The following NRG1 variants were observed in gnomAD, a reference collection of about 807,000 sequenced individuals.
NRG1 encodes pro-neuregulin-1, membrane-bound isoform.
Under a neutral mutation model 63.8 loss-of-function variants are expected in NRG1, and 18 were observed. That is an observed-to-expected ratio of 0.28 (90% CI 0.19 to 0.42). The LOEUF is 0.42. NRG1 is among the 10% of genes least tolerant of loss of function. The pLI, the probability that NRG1 is intolerant of heterozygous loss-of-function variation, is 1.00. For missense variants in NRG1, 762 were observed against 814.7 expected (o/e 0.94, Z 0.79); for synonymous variants, 302 against 301.3 (o/e 1.00, Z -0.02).
intron 1 of NRG1, among the ~76,000 whole-genome samples, chr8:32,284,682 C>T (rs1470760398): frequency 1.3e-5 from 2 of 152,114 alleles, no homozygotes; most frequent in African/African-American, 4.8e-5. Context: ...AGGCACATAT[C>T]AGCACGCTTG....
intron 1 of NRG1, among the ~76,000 whole-genome samples, chr8:31,874,791 T>G (rs1473021430): frequency 6.6e-6 from 1 of 151,302 alleles, no homozygotes; most frequent in African/African-American, 2.4e-5. Context: ...TAACTGTCCT[T>G]CTATTTCCAT....
At chr8:31,771,630 G>C (rs1425848062) in intron 1 of NRG1, among the ~76,000 whole-genome samples, 1 of 152,130 alleles carries the variant, frequency 6.6e-6, no homozygotes, top group East Asian at 1.9e-4. Context: ...TGTGCTGAGA[G>C]TTATAGGAAA....
intron 1 of NRG1, among the ~76,000 whole-genome samples, chr8:32,333,942 G>C (rs2129477791): frequency 6.6e-6 from 1 of 152,264 alleles, no homozygotes; most frequent in Middle Eastern, 3.4e-3. Flanking sequence ...CCATCTCTGT[G>C]ATTCCATTGG....
chr8:32,175,995 A>T (rs1840684618), intron 1 of NRG1, among the ~76,000 whole-genome samples: 1 of 152,174 alleles, frequency 6.6e-6, no homozygotes, highest in Non-Finnish European at 1.5e-5. Flanking sequence ...TAAAGTTCAT[A>T]TGGAACCAAA....
intron 1 of NRG1, among the ~76,000 whole-genome samples, chr8:31,962,159 A>G (rs774598519): frequency 1.3e-5 from 2 of 152,196 alleles, no homozygotes; most frequent in African/African-American, 2.4e-5. Flanking sequence ...AAGAGAATAT[A>G]TAAGTTTGAA....
At chr8:31,722,598 A>G (rs148995779) in intron 1 of NRG1, among the ~76,000 whole-genome samples, 22 of 152,296 alleles carry the variant, frequency 1.4e-4, no homozygotes, top group African/African-American at 5.3e-4. Context: ...AATTATATTT[A>G]TGTCTAAATG....
At chr8:32,076,903 A>G (rs1826657871) in intron 1 of NRG1, among the ~76,000 whole-genome samples, 1 of 152,204 alleles carries the variant, frequency 6.6e-6, no homozygotes, top group Admixed American at 6.5e-5. Flanking sequence ...AGTAAAATTC[A>G]CAGAATGTTA....
chr8:32,237,327 G>A (rs574499975), intron 1 of NRG1, among the ~76,000 whole-genome samples: 8 of 152,214 alleles, frequency 5.3e-5, no homozygotes, highest in African/African-American at 1.9e-4. Context: ...TTTCTTTTGA[G>A]TTTTTGTGTT....
intron 1 of NRG1, among the ~76,000 whole-genome samples, chr8:32,474,177 A>T (rs934293879): frequency 6.6e-6 from 1 of 152,264 alleles, no homozygotes; most frequent in East Asian, 1.9e-4. Context: ...CTTGTAGGTA[A>T]AACAATCATG....
rs748332909 is a variant in NRG1, at chr8:31,925,724, T to TTA, written c.37+286293_37+286294insTA. Among the ~76,000 whole-genome samples, 1,047 of 149,238 alleles carry TTA rather than the reference T, an allele frequency of 7.0e-3. 7 individuals are homozygous for TTA. Among genetic ancestry groups the TTA allele is most frequent in the Non-Finnish European group, 0.011 (757 of 66,940 alleles). On this transcript the variant is annotated intron_variant, in intron 1 of 10. Transcript: ENST00000519301. ...CTTATTAATTAATCTTCTTCTTCTG[T>TTA]GTCAATTCTGCTATGAAGCCCGTCC...
chr8:32,628,731 C>T (rs887918377), intron 5 of NRG1, among the ~76,000 whole-genome samples: 5 of 148,786 alleles, frequency 3.4e-5, no homozygotes, highest in Admixed American at 6.6e-5. Context: ...AAACTTTCTG[C>T]CCTTTTTTTT....
intron 1 of NRG1, among the ~76,000 whole-genome samples, chr8:32,310,762 A>T (rs1856728507): frequency 3.3e-5 from 5 of 152,218 alleles, no homozygotes; most frequent in Non-Finnish European, 7.3e-5. Context: ...ACCTCATTTG[A>T]AAGTCCAGGC....
chr8:31,736,859 A>T (rs1023874458), intron 1 of NRG1, among the ~76,000 whole-genome samples: 6 of 152,174 alleles, frequency 3.9e-5, no homozygotes, highest in African/African-American at 1.4e-4. Context: ...GTACACACAC[A>T]TGCACACACA....
chr8:32,052,619 G>A (rs1229299257), intron 1 of NRG1, among the ~76,000 whole-genome samples: 1 of 152,026 alleles, frequency 6.6e-6, no homozygotes, highest in Admixed American at 6.6e-5. Context: ...GTAAAGTCCA[G>A]AAATCAAATT....
At chr8:32,590,974 C>T (rs1842425338) in intron 1 of NRG1, among the ~76,000 whole-genome samples, 2 of 152,130 alleles carry the variant, frequency 1.3e-5, no homozygotes, top group African/African-American at 4.8e-5. Flanking sequence ...GCCCTGTGTC[C>T]TTGATACTTG....
chr8:32,017,548 C>T (rs1334743739), intron 1 of NRG1, among the ~76,000 whole-genome samples: 2 of 152,206 alleles, frequency 1.3e-5, no homozygotes, highest in East Asian at 3.9e-4. Context: ...CTTCACATGG[C>T]AGTCACAGGC....
intron 1 of NRG1, among the ~76,000 whole-genome samples, chr8:31,918,946 G>A (rs932410850): frequency 3.3e-5 from 5 of 152,048 alleles, no homozygotes; most frequent in Admixed American, 6.6e-5. Context: ...TGTATGTGTC[G>A]AGGAATTTAT....
intron 1 of NRG1, among the ~76,000 whole-genome samples, chr8:31,980,209 T>A (rs759656352): frequency 2.0e-5 from 3 of 152,084 alleles, no homozygotes; most frequent in African/African-American, 4.8e-5. Flanking sequence ...TGCTAATTGA[T>A]GTAAGAAACT....
chr8:32,710,157 A>G (rs1403285994), intron 5 of NRG1, among the ~76,000 whole-genome samples: 4 of 152,198 alleles, frequency 2.6e-5, no homozygotes, highest in Non-Finnish European at 5.9e-5. Context: ...CATCAGACCT[A>G]TTTTTAAGAG....
Sources: gnomAD v4.1 joint callset for allele counts (sites outside exome capture counted in the v4.1 genomes callset) on GRCh38, gnomAD v4.1.1 for gene constraint, MANE v1.5 for transcripts, NCBI Gene and HGNC (gene_info 2026-07-23, HGNC 2026-07-21) for gene names.